RAP1GAP: variants seen among roughly 807,000 people sequenced by gnomAD.
The protein encoded by RAP1GAP is rap1 GTPase-activating protein 1.
RAP1GAP carries 35 observed loss-of-function variants against 87.2 expected under a neutral mutation model. The observed-to-expected ratio is 0.40, with a 90% CI of 0.31 to 0.53. The LOEUF is 0.53. Among genes scored for constraint, RAP1GAP ranks in the 20% least tolerant of loss-of-function variants. RAP1GAP has a pLI of 0.48. For missense variants in RAP1GAP, 734 were observed against 898.9 expected, an observed-to-expected ratio of 0.82 and a Z score of 2.35; for synonymous variants, 375 against 363.9, an observed-to-expected ratio of 1.03 and a Z score of -0.35.
At chr1:21,664,782 T>A (rs568597585) in intron 1 of RAP1GAP, among the ~76,000 whole-genome samples, 1 of 152,214 alleles carries the variant, frequency 6.6e-6, no homozygotes, top group South Asian at 2.1e-4. Context: ...AAGTATTGGA[T>A]GTTTTTAGAA....
chr1:21,645,241 A>C (rs1324235945), intron 2 of RAP1GAP, among the ~76,000 whole-genome samples: 1 of 152,180 alleles, frequency 6.6e-6, no homozygotes, highest in Non-Finnish European at 1.5e-5. Flanking sequence ...TGGGCATCTA[A>C]GATTCTATTT....
chr1:21,621,394 T>C (rs1018343378), intron 3 of RAP1GAP, among the ~76,000 whole-genome samples: 2 of 152,090 alleles, frequency 1.3e-5, no homozygotes, highest in Non-Finnish European at 2.9e-5. Flanking sequence ...GGCCACGGTC[T>C]AAACCTCACA....
At chr1:21,635,586 G>C (rs1031985983) in intron 2 of RAP1GAP, among the ~76,000 whole-genome samples, 57 of 152,206 alleles carry the variant, frequency 3.7e-4, no homozygotes, top group African/African-American at 1.3e-3. Flanking sequence ...CCAGCACTGA[G>C]GCCTTGCTTA....
intron 2 of RAP1GAP, among the ~76,000 whole-genome samples, chr1:21,628,906 G>A (rs1169570042): frequency 6.6e-6 from 1 of 152,018 alleles, no homozygotes; most frequent in East Asian, 1.9e-4. Context: ...AAAAAGGAGG[G>A]GGGAAGGGAG....
chr1:21,617,967 C>A lies in RAP1GAP; in HGVS notation c.72G>T (p.Glu24Asp). ...RCSFPPPLKT[E>D]EDYIPYPSVH... ...CGCTCGGGTATGGAATGTAGTCCTC[C>A]TCTGTCTGCAAAACACAAACAGGGC... is the stretch of plus-strand genomic sequence containing the variant. The change falls in exon 6 of 25, where the codon GAG (glutamate) becomes GAT (aspartate). Residue 24 changes from glutamate to aspartate, a missense_variant. Glu to Asp is a conservative substitution (Grantham distance 45). Around this residue, in one of 2 missense-constraint regions of RAP1GAP, gnomAD observed 485 missense variants for 646.2 expected, o/e 0.75. Coordinates refer to ENST00000374765, the MANE Select transcript of RAP1GAP (RefSeq NM_002885.4). 3 of 1,614,152 alleles carry A rather than the reference C, an allele frequency of 1.9e-6. No homozygotes were observed. Among genetic ancestry groups the A allele is most frequent in the Non-Finnish European group, 2.5e-6 (3 of 1,180,024 alleles).
At chr1:21,640,203 C>A (rs1014061718) in intron 2 of RAP1GAP, among the ~76,000 whole-genome samples, 1 of 152,150 alleles carries the variant, frequency 6.6e-6, no homozygotes, top group Non-Finnish European at 1.5e-5. Flanking sequence ...ACCCCCTTCC[C>A]GTCCGCTTGG....
At chr1:21,652,815 C>G (rs2096670670) in intron 1 of RAP1GAP, among the ~76,000 whole-genome samples, 1 of 152,182 alleles carries the variant, frequency 6.6e-6, no homozygotes, top group African/African-American at 2.4e-5. Flanking sequence ...GCCCTGACCC[C>G]AGAGCACACT....
At chr1:21,633,111 AATT>A (rs1339572553) in intron 2 of RAP1GAP, among the ~76,000 whole-genome samples, 3 of 152,160 alleles carry the variant, frequency 2.0e-5, no homozygotes, top group Non-Finnish European at 2.9e-5. Context: ...AAGTGCTTGT[AATT>A]ATTATTACTG....
At position 21,615,123 on chromosome 1, in the gene RAP1GAP, C is replaced by G. The variant is rs900854657; in HGVS notation, c.292-1034G>C. Among the ~76,000 whole-genome samples the G allele has an allele frequency of 1.1e-4, 16 of 152,196 alleles. No homozygotes were observed. The highest frequency in any genetic ancestry group is 9.2e-4 in the Admixed American group (14 of 15,278). On this transcript the variant is annotated intron_variant, in intron 7 of 24. Transcript: ENST00000374765. The surrounding 1 kb of genome is among the most constrained non-coding windows in gnomAD (Gnocchi z 4.5). ...TGGCAGGCACTTGATAAGGAGGCCC[C>G]TGGCAGGGAAGTCCAGAGAGTGGGG...
At position 21,608,896 on chromosome 1, in the gene RAP1GAP, T is replaced by C. The variant is rs759863228; in HGVS notation, c.1112A>G (p.Asn371Ser). The stretch of plus-strand genomic sequence containing the variant: ...TGCCTTGTAGCAGGCATATTCAGCA[T>C]TGATCAGCTTTGTCAGCAAAAATTC... ...FQEFLLTKLI[N>S]AEYACYKAEK... The change falls in exon 16 of 25, where the codon AAT becomes AGT. Residue 371 changes from asparagine (N) to serine (S), a missense_variant. Physicochemically the swap from Asn to Ser is conservative, Grantham distance 46. Transcript: ENST00000374765. 1.2e-5 allele frequency: 20 copies of C among 1,614,014 alleles called. No homozygotes were observed. Among genetic ancestry groups the C allele is most frequent in the East Asian group, 2.2e-5 (1 of 44,896 alleles).
At chr1:21,636,444 TG>T (rs1217739026) in intron 2 of RAP1GAP, among the ~76,000 whole-genome samples, 2 of 152,196 alleles carry the variant, frequency 1.3e-5, no homozygotes, top group African/African-American at 4.8e-5. Context: ...GCCTGAGGAC[TG>T]AGACAAGACT....
At chr1:21,597,304 C>T in intron 24 of RAP1GAP, 40 bp from the exon 25 acceptor site, 1 of 204,726 alleles carries the variant, frequency 4.9e-6, no homozygotes, top group Non-Finnish European at 9.9e-6. Flanking sequence ...TGAAACATGG[C>T]ATGGTGGGTG....
chr1:21,633,988 G>A (rs1378246483), intron 2 of RAP1GAP, among the ~76,000 whole-genome samples: 1 of 151,870 alleles, frequency 6.6e-6, no homozygotes, highest in Non-Finnish European at 1.5e-5. Context: ...CTAGCCCTGG[G>A]CATCGGGTCT....
chr1:21,628,518 G>A (rs1159870996), intron 2 of RAP1GAP, among the ~76,000 whole-genome samples: 1 of 150,878 alleles, frequency 6.6e-6, no homozygotes, highest in East Asian at 2.0e-4. Context: ...AAGAGATCCC[G>A]AGAACATCCT....
chr1:21,634,617 T>C lies in RAP1GAP; in HGVS notation c.-112-8220A>G. ...TGGGGCCGCCACCCTCGCCCCATGC[T>C]GGCTGCATGCCGAGACACCCGGATC... On this transcript the variant is annotated intron_variant, in intron 2 of 24. Transcript: ENST00000374765. The surrounding 1 kb of genome is among the most constrained non-coding windows in gnomAD (Gnocchi z 4.1). 2 of 219,202 alleles carry C rather than the reference T, an allele frequency of 9.1e-6. No individual in the cohort carries two copies. The highest frequency in any genetic ancestry group is 8.2e-5 in the South Asian group (2 of 24,390). 13.6% of individuals were successfully genotyped at this position (219,202 alleles called of 1,614,324 possible). A position where few individuals can be genotyped will look rare whatever the true frequency, so the allele number is the denominator to read the frequency against.
At chr1:21,618,043 C>T (rs1253078890) in intron 5 of RAP1GAP, 71 bp from the exon 6 acceptor site, 9 of 1,584,252 alleles carry the variant, frequency 5.7e-6, no homozygotes, top group Non-Finnish European at 7.8e-6. Context: ...CTGGCCTCTG[C>T]TTGGCCAGCC....
At chr1:21,664,610 C>T (rs2097276986) in intron 1 of RAP1GAP, among the ~76,000 whole-genome samples, 1 of 152,192 alleles carries the variant, frequency 6.6e-6, no homozygotes. Context: ...TACTGAACAC[C>T]TAATATGTGC....
intron 7 of RAP1GAP, among the ~76,000 whole-genome samples, chr1:21,616,800 A>T (rs1170656933): frequency 1.3e-5 from 2 of 152,200 alleles, no homozygotes; most frequent in South Asian, 2.1e-4. Context: ...GCTGCTGTAT[A>T]CCTGGTGCCT....
Position 21,613,739 on chromosome 1 carries a change from G to A in RAP1GAP, c.396-33C>T, listed in dbSNP as rs1286991153. The A allele has an allele frequency of 1.9e-6, 3 of 1,578,018 alleles. No individual in the cohort carries two copies. The highest frequency in any genetic ancestry group is 2.6e-6 in the Non-Finnish European group (3 of 1,148,476). On this transcript the variant is annotated intron_variant, in intron 8 of 24. Coordinates refer to ENST00000374765, the MANE Select transcript of RAP1GAP (RefSeq NM_002885.4). The surrounding 1 kb of genome is among the most constrained non-coding windows in gnomAD (Gnocchi z 4.7). ...GAGAAAGTCACACGATGAAGGCCTG[G>A]GCAGCAGGACAGGAAAATGGGAACC... is the stretch of plus-strand genomic sequence containing the variant.
Sources: gnomAD v4.1 joint callset for allele counts (sites outside exome capture counted in the v4.1 genomes callset) on GRCh38, gnomAD v4.1.1 for gene constraint, gnomAD v4.1.1 regional missense constraint, Gnocchi (gnomAD v3.1) non-coding constraint, MANE v1.5 for transcripts, NCBI Gene and HGNC (gene_info 2026-07-23, HGNC 2026-07-21) for gene names.